Variants in GPR137C observed in about 807,000 individuals in gnomAD.
GPR137C encodes G protein-coupled receptor 137C, also known as integral membrane protein GPR137C.
A neutral mutation model predicts 43.4 loss-of-function variants in GPR137C; 27 were observed. The ratio of observed to expected loss-of-function variants is 0.62; its 90% confidence interval spans 0.46 to 0.86. The LOEUF is 0.86. Ranked by LOEUF, GPR137C falls within the 40% of genes least tolerant of loss-of-function variation. The probability of loss-of-function intolerance (pLI) is 0.00; values close to 1 mark genes in which losing one functional copy is unlikely to be tolerated. For synonymous variants in GPR137C, 285 were observed against 226.9 expected, an observed-to-expected ratio of 1.26 and a Z score of -2.30; for missense variants, 522 against 534.6, an observed-to-expected ratio of 0.98 and a Z score of 0.23.
At chr14:52,602,797 G>C (rs12882351) in intron 3 of GPR137C, among the ~76,000 whole-genome samples, 1 of 151,934 alleles carries the variant, frequency 6.6e-6, no homozygotes, top group Non-Finnish European at 1.5e-5. Flanking sequence ...AGTGGCATTT[G>C]TATGTGCCAT....
chr14:52,553,634 G>A (rs756450512), intron 1 of GPR137C, 43 bp downstream of exon 1: 2 of 1,444,316 alleles, frequency 1.4e-6, no homozygotes, highest in East Asian at 5.1e-5. Flanking sequence ...GCGGGTGCGC[G>A]GGGCCGCCGG....
intron 1 of GPR137C, among the ~76,000 whole-genome samples, chr14:52,573,562 A>G (rs1392920681): frequency 1.3e-5 from 2 of 152,214 alleles, no homozygotes; most frequent in Non-Finnish European, 2.9e-5. Context: ...CACCTTATAC[A>G]AAAATTAACT....
At chr14:52,572,689 G>C (rs914852977) in intron 1 of GPR137C, among the ~76,000 whole-genome samples, 3 of 152,270 alleles carry the variant, frequency 2.0e-5, no homozygotes, top group Admixed American at 2.0e-4. Context: ...ACTGGCACAA[G>C]ACAAGGATGT....
At chr14:52,573,744 A>G (rs1023670129) in intron 1 of GPR137C, among the ~76,000 whole-genome samples, 4 of 152,234 alleles carry the variant, frequency 2.6e-5, no homozygotes, top group Non-Finnish European at 5.9e-5. Context: ...AAACTAAAGA[A>G]CTTCTGCACA....
chr14:52,612,272 T>TG, intron 3 of GPR137C: 1 of 949,900 alleles, frequency 1.1e-6, no homozygotes, highest in Non-Finnish European at 1.3e-6. Context: ...TTTTATACCC[T>TG]GCTTTTCCCC....
chr14:52,568,569 A>G (rs2038410595), intron 1 of GPR137C, among the ~76,000 whole-genome samples: 1 of 152,304 alleles, frequency 6.6e-6, no homozygotes, highest in Non-Finnish European at 1.5e-5. Context: ...AATTCTTGCT[A>G]CCAGCACAGC....
intron 1 of GPR137C, among the ~76,000 whole-genome samples, chr14:52,561,587 T>C (rs1306548298): frequency 6.6e-6 from 1 of 152,152 alleles, no homozygotes; most frequent in Non-Finnish European, 1.5e-5. Flanking sequence ...CAGATGTTCA[T>C]CAGAAATGAA....
intron 1 of GPR137C, among the ~76,000 whole-genome samples, chr14:52,597,926 A>G (rs887293344): frequency 6.6e-6 from 1 of 152,242 alleles, no homozygotes; most frequent in African/African-American, 2.4e-5. Context: ...TCCATTTTAG[A>G]ATAAAACATG....
chr14:52,553,227 G>T lies in GPR137C; in HGVS notation c.80G>T (p.Ser27Ile). The T allele has an allele frequency of 7.8e-7, 1 of 1,287,942 alleles. No homozygotes were observed. Among genetic ancestry groups the T allele is most frequent in the East Asian group, 3.2e-5 (1 of 31,590 alleles). 79.8% of individuals were successfully genotyped at this position (1,287,942 alleles called of 1,614,324 possible). A position where few individuals can be genotyped will look rare whatever the true frequency, so the allele number is the denominator to read the frequency against. Reference sequence around the variant, plus strand: ...GAGCCCTCCACGCCCGGCGGGGGCAGCGGAGGCGGAGGCGCCGTCGCTGCA... The same window carrying T: ...GAGCCCTCCACGCCCGGCGGGGGCATCGGAGGCGGAGGCGCCGTCGCTGCA... ...GREPSTPGGG[S>I]GGGGAVAAAS... The change falls in exon 1 of 7, where the codon AGC becomes ATC. Residue 27 changes from serine to isoleucine, a missense_variant. Coordinates refer to ENST00000321662, the MANE Select transcript of GPR137C (RefSeq NM_001099652.2).
At chr14:52,620,528 A>G (rs557905803) in intron 3 of GPR137C, among the ~76,000 whole-genome samples, 1 of 152,130 alleles carries the variant, frequency 6.6e-6, no homozygotes, top group African/African-American at 2.4e-5. Flanking sequence ...TGTCCAGGTC[A>G]AGGTTACAAA....
chr14:52,628,466 A>T (rs28867150), intron 3 of GPR137C, among the ~76,000 whole-genome samples: 114 of 152,336 alleles, frequency 7.5e-4, no homozygotes, highest in African/African-American at 2.6e-3. Context: ...ACCATGAAAA[A>T]AATAAGTTGA....
At chr14:52,555,729 T>A (rs975571933) in intron 1 of GPR137C, among the ~76,000 whole-genome samples, 4 of 152,212 alleles carry the variant, frequency 2.6e-5, no homozygotes, top group Non-Finnish European at 5.9e-5. Context: ...GGGATAAAGC[T>A]TTTTTCCTTT....
intron 1 of GPR137C, among the ~76,000 whole-genome samples, chr14:52,573,983 G>T (rs1345021375): frequency 6.6e-6 from 1 of 152,116 alleles, no homozygotes; most frequent in African/African-American, 2.4e-5. Flanking sequence ...CATCATCACT[G>T]GTCATTAGAG....
intron 1 of GPR137C, among the ~76,000 whole-genome samples, chr14:52,571,437 G>A (rs2038466724): frequency 6.6e-6 from 1 of 151,974 alleles, no homozygotes. Context: ...ACTAGAGAGA[G>A]GCCGAGGCGG....
At chr14:52,602,834 C>T (rs1006238456) in intron 3 of GPR137C, among the ~76,000 whole-genome samples, 22 of 151,926 alleles carry the variant, frequency 1.4e-4, no homozygotes, top group East Asian at 9.6e-4. Context: ...TTTTAATTGA[C>T]GTCATATTTA....
chr14:52,566,914 C>T (rs1242509155), intron 1 of GPR137C, among the ~76,000 whole-genome samples: 3 of 152,120 alleles, frequency 2.0e-5, no homozygotes, highest in Non-Finnish European at 4.4e-5. Flanking sequence ...GAGTTTGAGA[C>T]CAGCCTGGCC....
chr14:52,599,204 T>C (rs1028526593), intron 2 of GPR137C, among the ~76,000 whole-genome samples: 8 of 152,192 alleles, frequency 5.3e-5, no homozygotes, highest in Admixed American at 2.0e-4. Context: ...TGAGGTAGCC[T>C]AAATTTTCTT....
chr14:52,631,453 A>G (rs540157784), intron 3 of GPR137C, among the ~76,000 whole-genome samples: 2 of 152,314 alleles, frequency 1.3e-5, no homozygotes, highest in South Asian at 2.1e-4. Context: ...AATAAAATAC[A>G]TAGGATTGCA....
intron 3 of GPR137C, 109 bp from the exon 4 acceptor site, chr14:52,632,051 A>T: frequency 1.5e-6 from 1 of 653,744 alleles, no homozygotes; most frequent in East Asian, 2.9e-5. Flanking sequence ...ACAGGTACTC[A>T]GTGCTTTGTA....
Sources: allele counts gnomAD v4.1 joint callset (sites outside exome capture counted in the v4.1 genomes callset), GRCh38; gene constraint gnomAD v4.1.1; transcripts MANE v1.5; gene names NCBI Gene and HGNC (gene_info 2026-07-23, HGNC 2026-07-21).